Variants in COMMD1 observed in about 807,000 individuals in gnomAD.
COMMD1 encodes the protein COMM domain-containing protein 1.
Under a neutral mutation model 17.2 loss-of-function variants are expected in COMMD1, and 10 were observed. That is an observed-to-expected ratio of 0.58 (90% confidence interval 0.36 to 0.99). The LOEUF is 0.99. Ranked by LOEUF, COMMD1 falls within the 50% of genes least tolerant of loss-of-function variation. COMMD1 has a pLI of 0.01. For synonymous variants in COMMD1, 97 were observed against 91.6 expected, an observed-to-expected ratio of 1.06 and a Z score of -0.34; for missense variants, 270 against 231.8, an observed-to-expected ratio of 1.17 and a Z score of -1.07.
chr2:62,083,199 T>G (rs1671573800), intron 2 of COMMD1, among the ~76,000 whole-genome samples: 1 of 151,984 alleles, frequency 6.6e-6, no homozygotes, highest in Non-Finnish European at 1.5e-5. Flanking sequence ...GGAGGTTGAG[T>G]TTGCAGTGAG....
chr2:61,992,858 G>T (rs981876662), intron 1 of COMMD1, among the ~76,000 whole-genome samples: 2 of 152,126 alleles, frequency 1.3e-5, no homozygotes, highest in African/African-American at 4.8e-5. Context: ...ATAGTTCTAT[G>T]CAGAGTTCCT....
intron 2 of COMMD1, among the ~76,000 whole-genome samples, chr2:62,120,227 C>T: frequency 6.6e-6 from 1 of 151,586 alleles, no homozygotes; most frequent in Non-Finnish European, 1.5e-5. Context: ...CTTGAACTCC[C>T]CAGACTGAAG....
At chr2:61,918,517 A>T (rs1314384359) in intron 1 of COMMD1, 8 of 152,158 alleles carry the variant, frequency 5.3e-5, no homozygotes, top group Non-Finnish European at 7.4e-5. Context: ...CTTTTTTCTT[A>T]GTTTAGGGCA....
At chr2:62,135,725 A>T in intron 2 of COMMD1, 106 bp from the exon 3 acceptor site, 2 of 741,298 alleles carry the variant, frequency 2.7e-6, no homozygotes, top group Non-Finnish European at 5.0e-6. Context: ...TTAAGGTCTG[A>T]GCTGGGCTTG....
intron 1 of COMMD1, among the ~76,000 whole-genome samples, chr2:61,920,743 C>T (rs1345124767): frequency 6.6e-6 from 1 of 152,030 alleles, no homozygotes; most frequent in African/African-American, 2.4e-5. Context: ...GCATCTTGAA[C>T]ATTTAGTGCT....
chr2:62,079,724 A>C (rs578014327), intron 2 of COMMD1: 125 of 152,324 alleles, frequency 8.2e-4, no homozygotes, highest in African/African-American at 2.9e-3. Flanking sequence ...ACTTAGAAAC[A>C]AACCATTTTT....
intron 1 of COMMD1, among the ~76,000 whole-genome samples, chr2:61,975,026 A>G (rs1238406154): frequency 1.3e-5 from 2 of 151,560 alleles, no homozygotes; most frequent in Admixed American, 6.6e-5. Flanking sequence ...GAATCATACA[A>G]TATATAGCCT....
At chr2:62,022,908 A>T (rs1669648204) in intron 2 of COMMD1, among the ~76,000 whole-genome samples, 1 of 152,200 alleles carries the variant, frequency 6.6e-6, no homozygotes, top group African/African-American at 2.4e-5. Flanking sequence ...AATGTACTTC[A>T]TGGACACCAT....
At chr2:61,899,714 G>T (rs180915284) in intron 1 of COMMD1, among the ~76,000 whole-genome samples, 1 of 151,974 alleles carries the variant, frequency 6.6e-6, no homozygotes, top group South Asian at 2.1e-4. Context: ...TTGCTCTGTC[G>T]CCCAGGCTGG....
Position 61,944,508 on chromosome 2 carries a change from A to G in COMMD1, c.180+38650A>G, listed in dbSNP as rs374454018. The stretch of plus-strand genomic sequence containing the variant: ...AAGAATGCACCTCCGAACTAGAATT[A>G]GGATCCTAGACAACAACTTCCTAGG... On this transcript the variant is annotated intron_variant, in intron 1 of 2. Coordinates refer to ENST00000311832, the MANE Select transcript of COMMD1 (RefSeq NM_152516.4). 4.6e-5 allele frequency among the ~76,000 whole-genome samples: 7 copies of G among 152,310 alleles called. No individual in the cohort carries two copies. The East Asian group carries it at 1.2e-3, about 25-fold the overall frequency.
In COMMD1 at chr2:62,000,967, A is replaced by C; in HGVS notation, c.447A>C (p.Leu149Phe). 1 of 1,613,446 alleles carries C rather than the reference A, an allele frequency of 6.2e-7. No individual in the cohort carries two copies. Residue 149 changes from leucine (L) to phenylalanine (F), a missense_variant, in exon 2 of 3, where the codon TTA becomes TTC. By Grantham distance (22) the Leu-to-Phe change is conservative. Coordinates refer to ENST00000311832, the MANE Select transcript of COMMD1 (RefSeq NM_152516.4). ...CTGTTGCCATTATAGAGCTGGAATT[A>C]GGCAAATATGGACAGGTGAGTTAAA... ...HTPVAIIELE[L>F]GKYGQESEFL...
At chr2:61,941,073 G>A (rs554143678) in intron 1 of COMMD1, among the ~76,000 whole-genome samples, 2 of 151,544 alleles carry the variant, frequency 1.3e-5, no homozygotes, top group Non-Finnish European at 2.9e-5. Flanking sequence ...TCTCGCCCAG[G>A]CTGGAGTGCG....
At chr2:62,006,439 T>C (rs1669125245) in intron 2 of COMMD1, among the ~76,000 whole-genome samples, 1 of 151,852 alleles carries the variant, frequency 6.6e-6, no homozygotes, top group African/African-American at 2.4e-5. Flanking sequence ...CTTTGAGATA[T>C]GAGGAAGCCA....
chr2:61,920,983 T>TATA (rs376047252), intron 1 of COMMD1, among the ~76,000 whole-genome samples: 2,079 of 101,730 alleles, frequency 0.02, 22 homozygotes, highest in African/African-American at 0.05. Flanking sequence ...ATATATATAT[T>TATA]TTTTTTTTTT....
At chr2:62,036,330 C>A (rs1308662265) in intron 2 of COMMD1, among the ~76,000 whole-genome samples, 1 of 152,116 alleles carries the variant, frequency 6.6e-6, no homozygotes, top group Admixed American at 6.6e-5. Context: ...ATAAGTAGGG[C>A]AGCTGTTAAA....
At chr2:61,982,712 G>T (rs1321605348) in intron 1 of COMMD1, among the ~76,000 whole-genome samples, 1 of 151,528 alleles carries the variant, frequency 6.6e-6, no homozygotes, top group Non-Finnish European at 1.5e-5. Context: ...CTCATCCCCG[G>T]TTTTTTTTGA....
At chr2:62,009,249 C>G (rs1218471747) in intron 2 of COMMD1, among the ~76,000 whole-genome samples, 1 of 152,080 alleles carries the variant, frequency 6.6e-6, no homozygotes, top group East Asian at 1.9e-4. Context: ...TGGTCTTCAA[C>G]TTACAGTTGA....
chr2:62,052,157 A>T (rs1670554062), intron 2 of COMMD1, among the ~76,000 whole-genome samples: 1 of 152,162 alleles, frequency 6.6e-6, no homozygotes, highest in Non-Finnish European at 1.5e-5. Flanking sequence ...AGGCTTTAAA[A>T]AGATAGAAAT....
At chr2:61,954,715 T>C (rs1038074092) in intron 1 of COMMD1, among the ~76,000 whole-genome samples, 1 of 152,068 alleles carries the variant, frequency 6.6e-6, no homozygotes, top group East Asian at 1.9e-4. Flanking sequence ...AAAGTCTCGC[T>C]CTCTTGCCCA....
Sources: gnomAD v4.1 joint callset for allele counts (sites outside exome capture counted in the v4.1 genomes callset) on GRCh38, gnomAD v4.1.1 for gene constraint, MANE v1.5 for transcripts, NCBI Gene and HGNC (gene_info 2026-07-23, HGNC 2026-07-21) for gene names.